The following RSPO3 variants were observed in gnomAD, a reference collection of about 807,000 sequenced individuals.
RSPO3 encodes R-spondin-3.
Under a neutral mutation model 36.5 loss-of-function variants are expected in RSPO3, and 17 were observed. The ratio of observed to expected loss-of-function variants is 0.47; its 90% CI spans 0.32 to 0.70. The LOEUF is 0.70. Among genes scored for constraint, RSPO3 ranks in the 30% least tolerant of loss-of-function variants. The pLI is 0.04. For missense variants in RSPO3, 294 were observed against 322.5 expected, an observed-to-expected ratio of 0.91 and a Z score of 0.68; for synonymous variants, 108 against 107.0, an observed-to-expected ratio of 1.01 and a Z score of -0.06.
intron 1 of RSPO3, among the ~76,000 whole-genome samples, chr6:127,122,130 G>T (rs1773858172): frequency 6.6e-6 from 1 of 152,160 alleles, no homozygotes; most frequent in African/African-American, 2.4e-5. Context: ...AGCCATATCA[G>T]TATTCTCCTG....
At chr6:127,192,608 T>A in intron 4 of RSPO3, 2 of 968,594 alleles carry the variant, frequency 2.1e-6, no homozygotes, top group Non-Finnish European at 2.5e-6. Flanking sequence ...TAATAGCAAA[T>A]TCTCTTTGAT....
intron 1 of RSPO3, among the ~76,000 whole-genome samples, chr6:127,126,220 A>C (rs1424310271): frequency 6.6e-6 from 1 of 152,082 alleles, no homozygotes; most frequent in Non-Finnish European, 1.5e-5. Flanking sequence ...TCAAAACTCA[A>C]AACACCTGGG....
chr6:127,139,987 A>G (rs1203333590), intron 1 of RSPO3, among the ~76,000 whole-genome samples: 1 of 152,208 alleles, frequency 6.6e-6, no homozygotes, highest in Non-Finnish European at 1.5e-5. Flanking sequence ...AGTTTGTAAC[A>G]GTTTCAATAG....
chr6:127,163,446 G>A (rs889730108), intron 4 of RSPO3, among the ~76,000 whole-genome samples: 1 of 152,106 alleles, frequency 6.6e-6, no homozygotes, highest in Admixed American at 6.6e-5. Context: ...GCAGAAAGGA[G>A]TTGATGCCTT....
At chr6:127,121,549 T>C (rs79946270) in intron 1 of RSPO3, among the ~76,000 whole-genome samples, 3,061 of 152,258 alleles carry the variant, frequency 0.02, 50 homozygotes, top group Non-Finnish European at 0.029. Context: ...GCGGCTTGGT[T>C]TGCTGGTGCA....
intron 1 of RSPO3, among the ~76,000 whole-genome samples, chr6:127,139,109 A>C (rs931540964): frequency 9.2e-5 from 14 of 152,340 alleles, no homozygotes; most frequent in African/African-American, 3.4e-4. Context: ...AAGATGCATC[A>C]TACTTACAAA....
chr6:127,123,012 G>A (rs542442364), intron 1 of RSPO3, among the ~76,000 whole-genome samples: 1 of 152,030 alleles, frequency 6.6e-6, no homozygotes, highest in African/African-American at 2.4e-5. Flanking sequence ...AGCACTCATT[G>A]CACAATCTAT....
chr6:127,136,554 T>G (rs1774160045), intron 1 of RSPO3, among the ~76,000 whole-genome samples: 1 of 152,156 alleles, frequency 6.6e-6, no homozygotes, highest in Non-Finnish European at 1.5e-5. Context: ...ATATAGACAC[T>G]TTCTCATCGT....
intron 1 of RSPO3, among the ~76,000 whole-genome samples, chr6:127,121,743 GA>G (rs951552119): frequency 2.6e-5 from 4 of 152,092 alleles, no homozygotes; most frequent in Admixed American, 1.3e-4. Flanking sequence ...ATCTCTGGGG[GA>G]AAAAAACGAA....
In RSPO3 at chr6:127,196,075, C is replaced by G. The variant is rs184813574; in HGVS notation, c.*68C>G. 2 of 1,358,464 alleles carry G rather than the reference C, an allele frequency of 1.5e-6. No individual in the cohort carries two copies. The highest frequency in any genetic ancestry group is 2.0e-6 in the Non-Finnish European group (2 of 1,009,724). The allele number at this position is 1,358,464 out of a possible 1,614,324, so 84.2% of individuals were successfully genotyped here. On this transcript the variant is annotated 3_prime_UTR_variant, in exon 5 of 5. Transcript: ENST00000356698. ...CAACCAGATGCCCAGGACAGGTGCT[C>G]TAGCCATTAGGACCACAAATGGACA...
rs547381082 is a variant in RSPO3, at chr6:127,126,130, C to T, written c.97+6841C>T. Reference sequence around the variant, plus strand: ...GGGTGAATGGAAAAATGATGACGATCAACAAAAAGAAAAATAGGAGAAGCA... The same window carrying T: ...GGGTGAATGGAAAAATGATGACGATTAACAAAAAGAAAAATAGGAGAAGCA... On this transcript the variant is annotated intron_variant, in intron 1 of 4. Transcript: ENST00000356698. Among the ~76,000 whole-genome samples, 105 of 151,994 alleles carry T rather than the reference C, an allele frequency of 6.9e-4. 1 individual carries two copies. Among genetic ancestry groups the T allele is most frequent in the East Asian group, 1.2e-3 (6 of 5,178 alleles).
At chr6:127,157,445 T>TTAACAC (rs1774615748) in intron 4 of RSPO3, among the ~76,000 whole-genome samples, 1 of 151,844 alleles carries the variant, frequency 6.6e-6, no homozygotes, top group Non-Finnish European at 1.5e-5. Context: ...GACTTAAACA[T>TTAACAC]TGAAAATGTC....
chr6:127,164,846 T>C (rs932951762), intron 4 of RSPO3, among the ~76,000 whole-genome samples: 2 of 152,112 alleles, frequency 1.3e-5, no homozygotes, highest in Non-Finnish European at 2.9e-5. Flanking sequence ...TTGAGAAATA[T>C]GCCTTGCAAA....
chr6:127,119,185 G>A lies in RSPO3; in HGVS notation c.-8G>A, dbSNP rs759482409. ...AGGAGAAAGGAAGGGAAGCATTACT[G>A]GGTTACTATGCACTTGCGACTGATT... is the stretch of plus-strand genomic sequence containing the variant. On this transcript the variant is annotated 5_prime_UTR_variant, in exon 1 of 5. Coordinates refer to ENST00000356698, the MANE Select transcript of RSPO3 (RefSeq NM_032784.5). 1 of 1,587,450 alleles carries A rather than the reference G, an allele frequency of 6.3e-7. No homozygotes were observed. The highest frequency in any genetic ancestry group is 8.6e-7 in the Non-Finnish European group (1 of 1,156,114).
intron 1 of RSPO3, among the ~76,000 whole-genome samples, chr6:127,139,326 A>G (rs918270312): frequency 1.3e-5 from 2 of 152,206 alleles, no homozygotes; most frequent in Non-Finnish European, 2.9e-5. Context: ...GACCTCAGCC[A>G]TCAGATATGC....
intron 1 of RSPO3, among the ~76,000 whole-genome samples, chr6:127,134,652 T>G (rs1774117843): frequency 6.6e-6 from 1 of 152,200 alleles, no homozygotes; most frequent in Admixed American, 6.5e-5. Flanking sequence ...AAATTCAGAG[T>G]CTTGAAAATA....
At position 127,189,680 on chromosome 6, in the gene RSPO3, A is replaced by C. The variant is rs532573004; in HGVS notation, c.635-6143A>C. On this transcript the variant is annotated intron_variant, in intron 4 of 4. Transcript: ENST00000356698. ...TTTAATGGTCAGAGCTATCTTTGTAAAAGTGGGCTCAAAGTAATATCCCAA... is the reference window on the plus strand; with the variant it reads ...TTTAATGGTCAGAGCTATCTTTGTACAAGTGGGCTCAAAGTAATATCCCAA... 3.3e-5 allele frequency among the ~76,000 whole-genome samples: 5 copies of C among 152,340 alleles called. 1 individual carries two copies. The South Asian group carries it at 8.3e-4, about 25-fold the overall frequency.
At chr6:127,154,875 A>G (rs1046633386) in intron 3 of RSPO3, among the ~76,000 whole-genome samples, 1 of 152,184 alleles carries the variant, frequency 6.6e-6, no homozygotes, top group Non-Finnish European at 1.5e-5. Flanking sequence ...TCTAGCACAT[A>G]GTATAACAAC....
chr6:127,189,983 A>G (rs183912506), intron 4 of RSPO3, among the ~76,000 whole-genome samples: 6 of 152,322 alleles, frequency 3.9e-5, no homozygotes, highest in Non-Finnish European at 7.3e-5. Context: ...TTATTAAAAC[A>G]AACAAAAGAC....
Sources: allele counts gnomAD v4.1 joint callset (sites outside exome capture counted in the v4.1 genomes callset), GRCh38; gene constraint gnomAD v4.1.1; transcripts MANE v1.5; gene names NCBI Gene and HGNC (gene_info 2026-07-23, HGNC 2026-07-21).